Variants in BCAS3 observed in about 807,000 individuals in gnomAD.
BCAS3 encodes the protein BCAS3 microtubule associated cell migration factor, also known as BCAS4/BCAS3 fusion.
A neutral mutation model predicts 116.1 loss-of-function variants in BCAS3; 53 were observed. That is an observed-to-expected ratio of 0.46 (90% CI 0.37 to 0.57). The LOEUF (loss-of-function observed/expected upper bound fraction) is 0.57. Ranked by LOEUF, BCAS3 falls within the 20% of genes least tolerant of loss-of-function variation. BCAS3 has a pLI of 0.00. For missense variants in BCAS3, 917 were observed against 1,165.4 expected, an observed-to-expected ratio of 0.79 and a Z score of 3.10; for synonymous variants, 391 against 408.2, an observed-to-expected ratio of 0.96 and a Z score of 0.51.
At chr17:60,952,405 T>TG (rs1285820373) in intron 14 of BCAS3, among the ~76,000 whole-genome samples, 1 of 152,030 alleles carries the variant, frequency 6.6e-6, no homozygotes, top group African/African-American at 2.4e-5. Flanking sequence ...CTGCAACCTC[T>TG]GCCTCCTGGG....
rs1048561748 is a variant in BCAS3 at position 61,381,331 on chromosome 17, C to A, written c.2594-10646C>A. On this transcript the variant is annotated intron_variant, in intron 23 of 23. Transcript: ENST00000407086. This position sits in a 1 kb window ranked among gnomAD's most constrained non-coding sequence, Gnocchi z 6.0. ...TAGAGCCCCGGCACCAGCAGCCAGT[C>A]TGTGAGCACCGCACAAAGGCAGACC... Among the ~76,000 whole-genome samples the A allele has an allele frequency of 1.3e-5, 2 of 152,344 alleles. No individual in the cohort carries two copies. The highest frequency in any genetic ancestry group is 1.3e-4 in the Admixed American group (2 of 15,310).
chr17:61,024,591 G>A (rs1446071084), intron 16 of BCAS3, among the ~76,000 whole-genome samples: 1 of 151,888 alleles, frequency 6.6e-6, no homozygotes, highest in Non-Finnish European at 1.5e-5. Context: ...CAAGGAAGTA[G>A]TTGGAGAAAT....
Position 60,819,245 on chromosome 17 carries a change from A to G in BCAS3, c.476+11169A>G, listed in dbSNP as rs189426698. Among the ~76,000 whole-genome samples, 7 of 152,354 alleles carry G rather than the reference A, an allele frequency of 4.6e-5. No individual in the cohort carries two copies. In the East Asian group the frequency reaches 9.6e-4, roughly 21 times the overall value. On this transcript the variant is annotated intron_variant, in intron 7 of 23. Transcript: ENST00000407086. The stretch of plus-strand genomic sequence containing the variant: ...GGTGATAAGGCAAAGGGCCCGGAAC[A>G]TTACACACCTGACTGACACTTAATA...
rs1232898049 is a variant in BCAS3, at chr17:61,029,105, T to G, written c.1638-5561T>G. ...GCTAAATAAATATGTTTTTAGTATA[T>G]CCAGTTATAGGGTAATATATGTATT... On this transcript the variant is annotated intron_variant, in intron 16 of 23. Transcript: ENST00000407086. The surrounding 1 kb of genome is among the most constrained non-coding windows in gnomAD (Gnocchi z 5.2). Among the ~76,000 whole-genome samples, 1 of 151,916 alleles carries G rather than the reference T, an allele frequency of 6.6e-6. No homozygotes were observed. The highest frequency in any genetic ancestry group is 1.5e-5 in the Non-Finnish European group (1 of 67,860).
rs548038323 is a variant in BCAS3 at position 61,381,390 on chromosome 17, G to A, written c.2594-10587G>A. On this transcript the variant is annotated intron_variant, in intron 23 of 23. Coordinates refer to ENST00000407086, the MANE Select transcript of BCAS3 (RefSeq NM_017679.5). This position sits in a 1 kb window ranked among gnomAD's most constrained non-coding sequence, Gnocchi z 6.0. ...CCAGGCCGTTTCCATCTGGACGGGCGGCGGCACCACCACAATTAGCTGAGA... is the reference window on the plus strand; with the variant it reads ...CCAGGCCGTTTCCATCTGGACGGGCAGCGGCACCACCACAATTAGCTGAGA... Among the ~76,000 whole-genome samples, 2 of 152,264 alleles carry A rather than the reference G, an allele frequency of 1.3e-5. No individual in the cohort carries two copies. Among genetic ancestry groups the A allele is most frequent in the African/African-American group, 2.4e-5 (1 of 41,542 alleles).
intron 22 of BCAS3, among the ~76,000 whole-genome samples, chr17:61,310,642 TCC>T (rs1372902344): frequency 1.3e-5 from 2 of 151,824 alleles, no homozygotes; most frequent in Admixed American, 6.6e-5. Context: ...AACTAATCTG[TCC>T]CCCTGAGCCC....
intron 5 of BCAS3, among the ~76,000 whole-genome samples, chr17:60,713,981 G>A (rs982167298): frequency 6.6e-5 from 10 of 152,048 alleles, no homozygotes; most frequent in African/African-American, 2.2e-4. Flanking sequence ...CTACAGGTGT[G>A]AGCCACCATG....
chr17:60,995,376 C>G lies in BCAS3; in HGVS notation c.1486+5141C>G, dbSNP rs764931900. Among the ~76,000 whole-genome samples, 90 of 152,108 alleles carry G rather than the reference C, an allele frequency of 5.9e-4. No homozygotes were observed. The highest frequency in any genetic ancestry group is 1.0e-3 in the Non-Finnish European group (70 of 68,028). ...CTCTGTTGGCCAGGCTGGTCTTGAA[C>G]TCCTGACCTCACCGTGAGTGAGTGA... On this transcript the variant is annotated intron_variant, in intron 15 of 23. Transcript: ENST00000407086. This position sits in a 1 kb window ranked among gnomAD's most constrained non-coding sequence, Gnocchi z 4.7.
intron 22 of BCAS3, among the ~76,000 whole-genome samples, chr17:61,357,693 C>T (rs1269991734): frequency 6.7e-6 from 1 of 149,884 alleles, no homozygotes; most frequent in Non-Finnish European, 1.5e-5. Context: ...CTACCCACCT[C>T]AGCCTCCCAA....
chr17:61,201,698 T>TAA (rs2080827260), intron 22 of BCAS3, among the ~76,000 whole-genome samples: 1 of 152,108 alleles, frequency 6.6e-6, no homozygotes, highest in Admixed American at 6.5e-5. Flanking sequence ...ATCCATGGGC[T>TAA]TTTAAAAAAG....
chr17:61,150,823 C>G (rs561846711), intron 22 of BCAS3, among the ~76,000 whole-genome samples: 1 of 152,318 alleles, frequency 6.6e-6, no homozygotes, highest in African/African-American at 2.4e-5. Context: ...TGGTCTTGAC[C>G]TTAGCATTAC....
intron 22 of BCAS3, among the ~76,000 whole-genome samples, chr17:61,240,807 A>G (rs753957986): frequency 1.3e-5 from 2 of 152,260 alleles, no homozygotes; most frequent in Non-Finnish European, 2.9e-5. Flanking sequence ...TAAAGGGTCC[A>G]TTTCTTTTAA....
At chr17:60,963,503 T>G (rs2061505242) in intron 14 of BCAS3, among the ~76,000 whole-genome samples, 1 of 151,968 alleles carries the variant, frequency 6.6e-6, no homozygotes, top group South Asian at 2.1e-4. Context: ...TGGGATTGCT[T>G]TCTTGATTTC....
chr17:60,719,242 G>C (rs1345180488), intron 5 of BCAS3, among the ~76,000 whole-genome samples: 1 of 152,182 alleles, frequency 6.6e-6, no homozygotes, highest in East Asian at 1.9e-4. Flanking sequence ...CCATAAACTG[G>C]TGATAGCGAA....
chr17:61,042,314 A>G (rs911728620), intron 19 of BCAS3, among the ~76,000 whole-genome samples: 5 of 152,092 alleles, frequency 3.3e-5, no homozygotes, highest in African/African-American at 1.2e-4. Context: ...GATACCTATT[A>G]AGTCTATTTA....
intron 6 of BCAS3, among the ~76,000 whole-genome samples, chr17:60,780,820 T>C (rs1454941269): frequency 1.3e-5 from 2 of 152,234 alleles, no homozygotes; most frequent in African/African-American, 2.4e-5. Flanking sequence ...CTTTGAGTTA[T>C]GGCTAACATA....
At chr17:60,822,758 CT>C (rs1210610584) in intron 7 of BCAS3, among the ~76,000 whole-genome samples, 1 of 152,168 alleles carries the variant, frequency 6.6e-6, no homozygotes, top group African/African-American at 2.4e-5. Flanking sequence ...GCGGTGTCCC[CT>C]CTCACTTGAA....
chr17:61,096,538 C>T (rs894733305), intron 22 of BCAS3, among the ~76,000 whole-genome samples: 2 of 152,200 alleles, frequency 1.3e-5, no homozygotes, highest in African/African-American at 4.8e-5. Context: ...GCCTGGGTGA[C>T]AGAGGGGAAA....
intron 10 of BCAS3, chr17:60,891,556 G>T: frequency 2.8e-6 from 1 of 355,252 alleles, no homozygotes; most frequent in South Asian, 2.2e-5. Context: ...TTAGCTTTGG[G>T]GCTGAGTATA....
Sources: allele counts gnomAD v4.1 joint callset (sites outside exome capture counted in the v4.1 genomes callset), GRCh38; gene constraint gnomAD v4.1.1; non-coding constraint Gnocchi (gnomAD v3.1); transcripts MANE v1.5; gene names NCBI Gene and HGNC (gene_info 2026-07-23, HGNC 2026-07-21).